SPTBN5: variants seen among roughly 807,000 people sequenced by gnomAD.
SPTBN5 encodes the protein spectrin beta chain, non-erythrocytic 5.
A neutral mutation model predicts 477.6 loss-of-function variants in SPTBN5; 513 were observed. The ratio of observed to expected loss-of-function variants is 1.07; its 90% CI spans 1.00 to 1.16. SPTBN5 has a LOEUF of 1.16. Ranked by LOEUF, SPTBN5 falls within the 50% of genes most tolerant of loss-of-function variation. SPTBN5 has a pLI of 0.00. For missense variants in SPTBN5, 5,062 were observed against 4,731.8 expected, an observed-to-expected ratio of 1.07 and a Z score of -2.05; for synonymous variants, 2,169 against 2,011.7, an observed-to-expected ratio of 1.08 and a Z score of -2.09.
intron 20 of SPTBN5, 105 bp downstream of exon 20, chr15:41,876,443 T>C (rs926926249): frequency 1.5e-6 from 2 of 1,338,358 alleles, no homozygotes; most frequent in African/African-American, 2.9e-5. Context: ...AGAGGATGAA[T>C]GACATAGCGC....
intron 59 of SPTBN5, 37 bp downstream of exon 59, chr15:41,853,221 C>T: frequency 1.3e-6 from 2 of 1,555,456 alleles, no homozygotes; most frequent in Middle Eastern, 3.5e-4. Flanking sequence ...AGGCTGTATC[C>T]CCAGCCCAAC....
chr15:41,854,898 A>C lies in SPTBN5; in HGVS notation c.9502T>G (p.Leu3168Val). Reference sequence around the variant, plus strand: ...GCACCCCGCTCCAGGGTGCCTGCCAACTTCCTCAGGGCATACACCTTGGCC... The same window carrying C: ...GCACCCCGCTCCAGGGTGCCTGCCACCTTCCTCAGGGCATACACCTTGGCC... ...GQAKVYALRK[L>V]AGTLERGAPR... The change falls in exon 56 of 68, where the codon TTG (leucine) becomes GTG (valine). Residue 3168 changes from leucine (L) to valine (V), a missense_variant. By Grantham distance (32) the Leu-to-Val change is conservative (BLOSUM62 1). Coordinates refer to ENST00000320955, the MANE Select transcript of SPTBN5 (RefSeq NM_016642.4). The C allele has an allele frequency of 6.2e-7, 1 of 1,608,756 alleles. No homozygotes were observed.
chr15:41,888,906 G>C (rs1041797367), intron 4 of SPTBN5, among the ~76,000 whole-genome samples: 1 of 152,238 alleles, frequency 6.6e-6, no homozygotes, highest in Non-Finnish European at 1.5e-5. Flanking sequence ...CCCCAGCGAG[G>C]TCAGGCCCCA....
chr15:41,850,673 G>A (rs966450322), intron 66 of SPTBN5, 181 bp downstream of exon 66: 9 of 606,850 alleles, frequency 1.5e-5, no homozygotes, highest in Non-Finnish European at 2.3e-5. Flanking sequence ...GTGTGATCTT[G>A]GGCAAGTTGC....
chr15:41,856,691 G>A, intron 52 of SPTBN5, 93 bp from the exon 53 acceptor site: 1 of 1,387,070 alleles, frequency 7.2e-7, no homozygotes, highest in Non-Finnish European at 9.6e-7. Context: ...CCACTAACTT[G>A]TCCCCAAGGA....
rs746982089 is a variant in SPTBN5 at position 41,858,725 on chromosome 15, C to T, written c.8103G>A (p.Lys2701=). The change falls in exon 49 of 68, where the codon AAG becomes AAA. Residue 2701 remains lysine, a synonymous_variant. Transcript: ENST00000320955. ...AACCCTCCTCCAAGGCCACCAGGTTCTTCTCCCTCAGCCACGCAGCCACCT... is the reference window on the plus strand; with the variant it reads ...AACCCTCCTCCAAGGCCACCAGGTTTTTCTCCCTCAGCCACGCAGCCACCT... The part of the protein sequence containing the change: ...SQEVAAWLRE[K]NLVALEEGLL... 7 of 1,609,950 alleles carry T rather than the reference C, an allele frequency of 4.3e-6. No homozygotes were observed. The highest frequency in any genetic ancestry group is 2.2e-5 in the East Asian group (1 of 44,816).
rs755586929 is a variant in SPTBN5, at chr15:41,881,260, A to T, written c.2458-26T>A. 1.1e-5 allele frequency: 18 copies of T among 1,570,054 alleles called. No homozygotes were observed. In the East Asian group the frequency reaches 4.0e-4, roughly 35 times the overall value. The stretch of plus-strand genomic sequence containing the variant: ...CTGTGTGACAAAGGGCAGCGCGTCT[A>T]CAGGCGACCCCATCAAGCAGCAGGG... On this transcript the variant is annotated intron_variant, in intron 12 of 67. Coordinates refer to ENST00000320955, the MANE Select transcript of SPTBN5 (RefSeq NM_016642.4).
In SPTBN5 at chr15:41,856,409, C is replaced by A; in HGVS notation, c.8998G>T (p.Glu3000Ter). 6.3e-7 allele frequency: 1 copy of A among 1,586,012 alleles called. No individual in the cohort carries two copies. Among genetic ancestry groups the A allele is most frequent in the East Asian group, 2.3e-5 (1 of 44,158 alleles). Residue 3000 changes from glutamate (E) to a stop codon, truncating the protein, a stop_gained, in exon 53 of 68, where the codon GAG (glutamate) becomes TAG (stop). Transcript: ENST00000320955. LOFTEE classifies it high-confidence loss of function. The part of the protein sequence containing the change: ...RRRLLLQQAQ[E>*]AQQFLTELLE... Reference sequence around the variant, plus strand: ...ACCTCAGTCAGAAACTGCTGGGCCTCCTGAGCCTGCTGCAGCAGAAGCCGC... The same window carrying A: ...ACCTCAGTCAGAAACTGCTGGGCCTACTGAGCCTGCTGCAGCAGAAGCCGC...
Position 41,857,626 on chromosome 15 carries a change from C to T in SPTBN5, c.8311G>A (p.Glu2771Lys), listed in dbSNP as rs779475266. Residue 2771 changes from glutamate (E) to lysine (K), a missense_variant, in exon 50 of 68, where the codon GAG (glutamate) becomes AAG (lysine). By Grantham distance (56) the Glu-to-Lys change is moderately conservative. Coordinates refer to ENST00000320955, the MANE Select transcript of SPTBN5 (RefSeq NM_016642.4). The stretch of plus-strand genomic sequence containing the variant: ...TTCTTCTGGGAGTTGTCTTGCAGCT[C>T]ACCCCAGAGTGCTCCCAGCTCCTCC... ...RLEELGALWG[E>K]LQDNSQKKVA... is the part of the protein sequence containing the mutation. 26 of 1,604,306 alleles carry T rather than the reference C, an allele frequency of 1.6e-5. No individual in the cohort carries two copies. In the South Asian group the frequency reaches 2.9e-4, roughly 18 times the overall value.
chr15:41,872,231 A>G, intron 27 of SPTBN5, 71 bp downstream of exon 27: 1 of 1,533,832 alleles, frequency 6.5e-7, no homozygotes, highest in Non-Finnish European at 8.8e-7. Context: ...ACTTTGGGCC[A>G]TGGCATGGGA....
intron 66 of SPTBN5, chr15:41,850,622 A>G: frequency 1.8e-6 from 1 of 559,854 alleles, no homozygotes; most frequent in Non-Finnish European, 3.2e-6. Context: ...ACCAGGACAC[A>G]GCTGGGGGTT....
Position 41,862,782 on chromosome 15 carries a change from C to G in SPTBN5, c.7263+8G>C. ...GCCCTGGGCCCAGCTCTACAGCCAG[C>G]TACGCACCTCCACCTGGGCCTGGAT... On this transcript the variant is annotated splice_region_variant and intron_variant, in intron 42 of 67. Coordinates refer to ENST00000320955, the MANE Select transcript of SPTBN5 (RefSeq NM_016642.4). 6.4e-7 allele frequency: 1 copy of G among 1,561,028 alleles called. No individual in the cohort carries two copies.
chr15:41,880,188 G>C lies in SPTBN5; in HGVS notation c.2783C>G (p.Thr928Ser), dbSNP rs372195795. The change falls in exon 14 of 68, where the codon ACC becomes AGC. Residue 928 changes from threonine (T) to serine (S), a missense_variant. Coordinates refer to ENST00000320955, the MANE Select transcript of SPTBN5 (RefSeq NM_016642.4). ...ATATTTGAGCTGCATGACCTCCAGG[G>C]TGTCAGCCTGGGGCTGCACCCTTTG... Reference protein sequence around the residue: ...LLQRVQPQADTLEVMQLKYEN... With the variant: ...LLQRVQPQADSLEVMQLKYEN... The C allele has an allele frequency of 1.9e-5, 31 of 1,605,458 alleles. No individual in the cohort carries two copies. In the African/African-American group the frequency reaches 3.6e-4, roughly 19 times the overall value.
chr15:41,859,085 T>C (rs1192822119), intron 47 of SPTBN5, 105 bp from the exon 48 acceptor site: 6 of 873,466 alleles, frequency 6.9e-6, no homozygotes, highest in Non-Finnish European at 9.9e-6. Flanking sequence ...GAGTCTGGAG[T>C]TTCCTTTGGA....
Position 41,876,867 on chromosome 15 carries a change from C to T in SPTBN5, c.3793G>A (p.Glu1265Lys). Residue 1265 changes from glutamate (E) to lysine (K), a missense_variant, in exon 19 of 68, where the codon GAG (glutamate) becomes AAG (lysine). Physicochemically the swap from Glu to Lys is moderately conservative, Grantham distance 56. Coordinates refer to ENST00000320955, the MANE Select transcript of SPTBN5 (RefSeq NM_016642.4). ...RLLSTLGPRA[E>K]ALRAHGEKLV... ...TTCTCGCCGTGTGCCCGCAGAGCCT[C>T]TGCCCGAGGCCCCAGGGTGCTCAGG... 6.2e-7 allele frequency: 1 copy of T among 1,610,592 alleles called. No homozygotes were observed. The highest frequency in any genetic ancestry group is 8.5e-7 in the Non-Finnish European group (1 of 1,179,856).
chr15:41,853,963 C>T (rs540538882), intron 57 of SPTBN5, 87 bp downstream of exon 57: 21 of 1,473,962 alleles, frequency 1.4e-5, no homozygotes, highest in African/African-American at 5.6e-5. Context: ...CTGAAGCAGG[C>T]TGGGGTGGGA....
intron 55 of SPTBN5, 22 bp from the exon 56 acceptor site, chr15:41,854,998 C>T (rs774358270): frequency 2.8e-5 from 42 of 1,519,646 alleles, no homozygotes; most frequent in South Asian, 1.2e-4. Context: ...TGAGGCCCAG[C>T]AGGGTCACTT....
In SPTBN5 at chr15:41,868,388, G is replaced by A; in HGVS notation, c.6057+10C>T. The stretch of plus-strand genomic sequence containing the variant: ...TAGGGTATGTGGGGGCACCAGGGGA[G>A]GGGGCCCACCTCCTTGGTGGGTGTC... On this transcript the variant is annotated intron_variant, in intron 33 of 67. Coordinates refer to ENST00000320955, the MANE Select transcript of SPTBN5 (RefSeq NM_016642.4). 1 of 1,595,244 alleles carries A rather than the reference G, an allele frequency of 6.3e-7. No individual in the cohort carries two copies. The highest frequency in any genetic ancestry group is 8.5e-7 in the Non-Finnish European group (1 of 1,169,592).
In SPTBN5 at chr15:41,874,392, T is replaced by C. The variant is rs1322931538; in HGVS notation, c.4589A>G (p.Asn1530Ser). Residue 1530 changes from asparagine to serine, a missense_variant, in exon 24 of 68, where the codon AAC becomes AGC. Transcript: ENST00000320955. ...VELHQFCHLS[N>S]MELSWVAEHM... ...CTCGGCTACCCAAGAGAGCTCCATG[T>C]TGCTCAGGTGGCAGAACTGGTGCAG... The C allele has an allele frequency of 3.1e-6, 5 of 1,613,666 alleles. No homozygotes were observed. The highest frequency in any genetic ancestry group is 1.3e-5 in the African/African-American group (1 of 74,940).
Sources: gnomAD v4.1 joint callset for allele counts (sites outside exome capture counted in the v4.1 genomes callset) on GRCh38, gnomAD v4.1.1 for gene constraint, MANE v1.5 for transcripts, NCBI Gene and HGNC (gene_info 2026-07-23, HGNC 2026-07-21) for gene names.